Variants in DGKI observed in about 807,000 individuals in gnomAD.
DGKI encodes the protein DAG kinase iota.
A neutral mutation model predicts 147.5 loss-of-function variants in DGKI; 55 were observed. That is an observed-to-expected ratio of 0.37 (90% CI 0.30 to 0.47). The LOEUF (loss-of-function observed/expected upper bound fraction) is 0.47. Ranked by LOEUF, DGKI falls within the 20% of genes least tolerant of loss-of-function variation. The pLI is 1.00. For synonymous variants in DGKI, 469 were observed against 477.1 expected (o/e 0.98, Z 0.22); for missense variants, 1,007 against 1,323.8 (o/e 0.76, Z 3.71).
intron 11 of DGKI, among the ~76,000 whole-genome samples, 194 bp downstream of exon 11, chr7:137,599,627 GAT>G (rs1387911095): frequency 1.3e-5 from 2 of 152,200 alleles, no homozygotes; most frequent in Non-Finnish European, 2.9e-5. Context: ...TAGCTGAGAA[GAT>G]ATGTTTCGAA....
At chr7:137,659,743 T>C (rs1023851700) in intron 3 of DGKI, among the ~76,000 whole-genome samples, 7 of 152,168 alleles carry the variant, frequency 4.6e-5, no homozygotes, top group African/African-American at 7.2e-5. Context: ...CCATCCTGGC[T>C]AACACAGTGA....
At chr7:137,838,661 T>C in intron 1 of DGKI, among the ~76,000 whole-genome samples, 1 of 152,192 alleles carries the variant, frequency 6.6e-6, no homozygotes, top group East Asian at 1.9e-4. Flanking sequence ...AGTCCAACTG[T>C]CTTATCTTTG....
At chr7:137,462,296 A>G (rs567917691) in intron 27 of DGKI, among the ~76,000 whole-genome samples, 1 of 152,336 alleles carries the variant, frequency 6.6e-6, no homozygotes, top group Non-Finnish European at 1.5e-5. Flanking sequence ...ACAAGCCTCA[A>G]TTCTGTATAA....
At chr7:137,589,670 G>T (rs1049256411) in intron 12 of DGKI, among the ~76,000 whole-genome samples, 3 of 152,162 alleles carry the variant, frequency 2.0e-5, no homozygotes, top group African/African-American at 7.2e-5. Context: ...GCCATAAAAA[G>T]GACATAAATA....
chr7:137,767,618 T>C (rs578125393), intron 1 of DGKI, among the ~76,000 whole-genome samples: 3 of 152,092 alleles, frequency 2.0e-5, no homozygotes, highest in African/African-American at 7.2e-5. Context: ...GATAATAATA[T>C]ACATGTGGCT....
At chr7:137,823,139 AT>A (rs1417612046) in intron 1 of DGKI, among the ~76,000 whole-genome samples, 2 of 152,162 alleles carry the variant, frequency 1.3e-5, no homozygotes, top group African/African-American at 4.8e-5. Flanking sequence ...CCCAAAACCC[AT>A]GAATATATGT....
At chr7:137,835,476 C>T (rs1798349702) in intron 1 of DGKI, among the ~76,000 whole-genome samples, 1 of 152,172 alleles carries the variant, frequency 6.6e-6, no homozygotes, top group Non-Finnish European at 1.5e-5. Context: ...AAATACTATT[C>T]TTGGAATACC....
intron 14 of DGKI, among the ~76,000 whole-genome samples, chr7:137,582,595 TTA>T (rs1207263729): frequency 6.6e-6 from 1 of 152,024 alleles, no homozygotes; most frequent in African/African-American, 2.4e-5. Context: ...CTATCAACCC[TTA>T]TATCTTTATT....
chr7:137,471,836 C>T (rs1467774116), intron 23 of DGKI, among the ~76,000 whole-genome samples: 1 of 146,834 alleles, frequency 6.8e-6, no homozygotes, highest in African/African-American at 2.5e-5. Flanking sequence ...TAAATATATC[C>T]ATATAGCTAT....
chr7:137,465,985 C>T lies in DGKI; in HGVS notation c.2535G>A (p.Leu845=), dbSNP rs201702798. The T allele has an allele frequency of 1.1e-4, 170 of 1,614,082 alleles. No individual in the cohort carries two copies. In the East Asian group the frequency reaches 3.5e-3, roughly 33 times the overall value. ...MEISQDEIFI[L]DPDMVVSQPA... ...GCTGTGACACCACCATATCTGGGTC[C>T]AGAATAAAAATCTCATCTTGGGAAA... The change falls in exon 26 of 33, where the codon CTG becomes CTA. Residue 845 remains leucine (L), a synonymous_variant. Transcript: ENST00000614521.
chr7:137,784,072 G>C (rs942491703), intron 1 of DGKI, among the ~76,000 whole-genome samples: 2 of 152,052 alleles, frequency 1.3e-5, no homozygotes, highest in Non-Finnish European at 2.9e-5. Flanking sequence ...AAAAACACAA[G>C]GTATTCAGGC....
intron 3 of DGKI, among the ~76,000 whole-genome samples, chr7:137,673,376 T>C (rs1460052347): frequency 6.6e-6 from 1 of 152,178 alleles, no homozygotes; most frequent in African/African-American, 2.4e-5. Flanking sequence ...GAATCATCTG[T>C]AGATCTGGTT....
At chr7:137,427,170 T>A (rs4728411) in intron 28 of DGKI, among the ~76,000 whole-genome samples, 2 of 151,578 alleles carry the variant, frequency 1.3e-5, no homozygotes, top group Non-Finnish European at 2.9e-5. Flanking sequence ...CCTCAGCAAA[T>A]GTAAAAGAAC....
chr7:137,558,774 C>T (rs1404648068), intron 19 of DGKI, among the ~76,000 whole-genome samples: 2 of 119,488 alleles, frequency 1.7e-5, no homozygotes, highest in African/African-American at 4.3e-5. Context: ...TTATGAAACT[C>T]CTGACCTCAG....
intron 1 of DGKI, among the ~76,000 whole-genome samples, chr7:137,817,327 A>G (rs933222697): frequency 6.6e-6 from 1 of 152,174 alleles, no homozygotes; most frequent in African/African-American, 2.4e-5. Flanking sequence ...CTTGACACAT[A>G]CTCGGTGCTT....
chr7:137,746,509 A>G (rs2116732090), intron 1 of DGKI, among the ~76,000 whole-genome samples: 1 of 152,284 alleles, frequency 6.6e-6, no homozygotes, highest in African/African-American at 2.4e-5. Context: ...GAGGAAAATG[A>G]ATTTCCCACT....
intron 28 of DGKI, among the ~76,000 whole-genome samples, chr7:137,415,517 G>C (rs1812326624): frequency 1.3e-5 from 2 of 152,172 alleles, no homozygotes; most frequent in Non-Finnish European, 2.9e-5. Context: ...AGTAACAGCT[G>C]TATTAGCAAT....
chr7:137,761,124 C>T (rs1795844454), intron 1 of DGKI, among the ~76,000 whole-genome samples: 2 of 152,296 alleles, frequency 1.3e-5, no homozygotes, highest in Non-Finnish European at 2.9e-5. Flanking sequence ...CCCTTTCTGT[C>T]TGTTTCTTTG....
chr7:137,497,612 T>TA (rs918028168), intron 21 of DGKI, among the ~76,000 whole-genome samples: 6 of 150,418 alleles, frequency 4.0e-5, no homozygotes, highest in South Asian at 2.1e-4. Flanking sequence ...ACATAGCCAT[T>TA]AAAAAAAAAT....
Sources: allele counts gnomAD v4.1 joint callset (sites outside exome capture counted in the v4.1 genomes callset), GRCh38; gene constraint gnomAD v4.1.1; transcripts MANE v1.5; gene names NCBI Gene and HGNC (gene_info 2026-07-23, HGNC 2026-07-21).